Variants in DLG2 observed in about 807,000 individuals in gnomAD.
The protein encoded by DLG2 is discs large MAGUK scaffold protein 2, also known as disks large homolog 2.
In DLG2, 45 loss-of-function variants were observed where a neutral mutation model predicts 132.5. The observed-to-expected ratio is 0.34, with a 90% CI of 0.27 to 0.44. DLG2 has a LOEUF of 0.44. Ranked by LOEUF, DLG2 falls within the 20% of genes least tolerant of loss-of-function variation. The pLI is 1.00. For missense variants in DLG2, 1,045 were observed against 1,196.9 expected, an observed-to-expected ratio of 0.87 and a Z score of 1.87; for synonymous variants, 424 against 419.6, an observed-to-expected ratio of 1.01 and a Z score of -0.13.
In DLG2 at chr11:84,555,301, C is replaced by A. The variant is rs552892972; in HGVS notation, c.358-20570G>T. On this transcript the variant is annotated intron_variant, in intron 6 of 27. Transcript: ENST00000376104. ...AGCAAACCCACTTCTGGGTATATAT[C>A]CCAAAGAATTGAAAGCAAGGTCTTG... Among the ~76,000 whole-genome samples the A allele has an allele frequency of 9.9e-5, 15 of 152,146 alleles. No homozygotes were observed. The South Asian group carries it at 1.9e-3, about 19-fold the overall frequency.
intron 8 of DLG2, among the ~76,000 whole-genome samples, chr11:84,176,832 G>A (rs1229227914): frequency 2.6e-5 from 4 of 152,156 alleles, no homozygotes; most frequent in South Asian, 2.1e-4. Flanking sequence ...AACAGTTCAT[G>A]CTCAAGCATA....
At chr11:83,808,078 T>TCGTGC (rs1321480528) in intron 17 of DLG2, among the ~76,000 whole-genome samples, 1 of 152,256 alleles carries the variant, frequency 6.6e-6, no homozygotes, top group East Asian at 1.9e-4. Context: ...AACAGCAGCC[T>TCGTGC]CGTGCCGGTC....
chr11:85,504,271 T>A (rs1307375687), intron 3 of DLG2, among the ~76,000 whole-genome samples: 12 of 151,706 alleles, frequency 7.9e-5, no homozygotes, highest in Non-Finnish European at 1.5e-4. Context: ...GGTGTTTTAG[T>A]CATGAAGTCC....
intron 4 of DLG2, among the ~76,000 whole-genome samples, chr11:85,188,320 C>T: frequency 6.6e-6 from 1 of 152,122 alleles, no homozygotes; most frequent in Non-Finnish European, 1.5e-5. Context: ...TATTAAAATC[C>T]TGCAGGGAAA....
chr11:84,758,267 TAAC>T (rs2067156682), intron 6 of DLG2, among the ~76,000 whole-genome samples: 1 of 152,234 alleles, frequency 6.6e-6, no homozygotes, highest in Admixed American at 6.5e-5. Flanking sequence ...TTCTACTTTG[TAAC>T]AACAAGCTAT....
chr11:84,166,500 CAAAAAAAA>C (rs398016937), intron 8 of DLG2, among the ~76,000 whole-genome samples: 1 of 81,040 alleles, frequency 1.2e-5, no homozygotes, highest in Non-Finnish European at 2.3e-5. Flanking sequence ...GACTCTGCTT[CAAAAAAAA>C]AAAAAAAAAA....
intron 16 of DLG2, among the ~76,000 whole-genome samples, chr11:83,842,463 G>A (rs1396591968): frequency 3.4e-5 from 5 of 146,756 alleles, no homozygotes; most frequent in Middle Eastern, 3.8e-3. Flanking sequence ...GTGTGGTAGC[G>A]TGCACCTGTA....
At chr11:84,573,615 C>G (rs575355470) in intron 6 of DLG2, among the ~76,000 whole-genome samples, 22 of 152,098 alleles carry the variant, frequency 1.4e-4, no homozygotes, top group Non-Finnish European at 2.9e-4. Flanking sequence ...TCTCAAATAC[C>G]ACCATTCAGG....
At chr11:85,366,066 T>G (rs1263000760) in intron 3 of DLG2, among the ~76,000 whole-genome samples, 1 of 152,114 alleles carries the variant, frequency 6.6e-6, no homozygotes, top group Admixed American at 6.5e-5. Context: ...TCCCAGAACT[T>G]AAAGTATAAT....
At chr11:83,629,279 C>T (rs560082020) in intron 19 of DLG2, among the ~76,000 whole-genome samples, 1 of 152,262 alleles carries the variant, frequency 6.6e-6, no homozygotes, top group African/African-American at 2.4e-5. Context: ...ATAATATACA[C>T]TCAAAAAATG....
At chr11:83,554,934 C>T (rs1565780404) in intron 19 of DLG2, among the ~76,000 whole-genome samples, 1 of 152,194 alleles carries the variant, frequency 6.6e-6, no homozygotes, top group Admixed American at 6.5e-5. Context: ...GTGTGAATAA[C>T]AGAAACAAGG....
chr11:84,078,978 C>T (rs913759021), intron 10 of DLG2, among the ~76,000 whole-genome samples: 2 of 152,098 alleles, frequency 1.3e-5, no homozygotes, highest in Non-Finnish European at 2.9e-5. Context: ...CATTCCTTTC[C>T]AATTGTCATC....
At chr11:84,848,412 T>C (rs1490961238) in intron 6 of DLG2, among the ~76,000 whole-genome samples, 2 of 152,034 alleles carry the variant, frequency 1.3e-5, no homozygotes, top group Non-Finnish European at 2.9e-5. Flanking sequence ...GAGAATCACT[T>C]GAACCCAAGA....
At chr11:85,561,756 T>C (rs2077261515) in intron 3 of DLG2, among the ~76,000 whole-genome samples, 7 of 151,906 alleles carry the variant, frequency 4.6e-5, no homozygotes, top group Admixed American at 4.6e-4. Context: ...TACAGTTCTC[T>C]CAGATCTCTA....
chr11:83,818,310 C>T (rs1565191377), intron 17 of DLG2, among the ~76,000 whole-genome samples: 1 of 152,122 alleles, frequency 6.6e-6, no homozygotes, highest in Non-Finnish European at 1.5e-5. Flanking sequence ...TCCTTTGTGG[C>T]CTGATGAAAA....
Position 84,776,387 on chromosome 11 carries a change from G to A in DLG2, c.358-241656C>T, listed in dbSNP as rs1339116823. On this transcript the variant is annotated intron_variant, in intron 6 of 27. Transcript: ENST00000376104. ...GCCCAGGCTGGTCTTGAACTCCTGG[G>A]CTCTAGCAATCCCCCAGCCTTGGCC... is the stretch of plus-strand genomic sequence containing the variant. Among the ~76,000 whole-genome samples the A allele has an allele frequency of 2.0e-5, 3 of 152,096 alleles. No individual in the cohort carries two copies. The East Asian group carries it at 5.8e-4, about 29-fold the overall frequency.
chr11:84,734,650 C>T lies in DLG2; in HGVS notation c.358-199919G>A, dbSNP rs1262694912. Among the ~76,000 whole-genome samples, 3 of 152,102 alleles carry T rather than the reference C, an allele frequency of 2.0e-5. No homozygotes were observed. In the East Asian group the frequency reaches 5.8e-4, roughly 29 times the overall value. On this transcript the variant is annotated intron_variant, in intron 6 of 27. Coordinates refer to ENST00000376104, the MANE Select transcript of DLG2 (RefSeq NM_001142699.3). ...TTATTCCTTTCTCCTGCCTGATTGCCCTGGCCAGAACTTCCAACACTATGT... is the reference window on the plus strand; with the variant it reads ...TTATTCCTTTCTCCTGCCTGATTGCTCTGGCCAGAACTTCCAACACTATGT...
intron 8 of DLG2, among the ~76,000 whole-genome samples, chr11:84,172,479 AC>A (rs1346824121): frequency 1.3e-5 from 2 of 152,036 alleles, no homozygotes; most frequent in Non-Finnish European, 2.9e-5. Context: ...AGCTTCTACC[AC>A]ATAAAGAAAA....
intron 16 of DLG2, among the ~76,000 whole-genome samples, chr11:83,865,639 A>G (rs2062196169): frequency 6.6e-6 from 1 of 151,972 alleles, no homozygotes; most frequent in African/African-American, 2.4e-5. Flanking sequence ...GTGGCAATGA[A>G]CGATCTCATA....
Sources: allele counts gnomAD v4.1 joint callset (sites outside exome capture counted in the v4.1 genomes callset), GRCh38; gene constraint gnomAD v4.1.1; transcripts MANE v1.5; gene names NCBI Gene and HGNC (gene_info 2026-07-23, HGNC 2026-07-21).